The following NPC2 variants were observed in gnomAD, a reference collection of about 807,000 sequenced individuals.
The protein encoded by NPC2 is NPC intracellular cholesterol transporter 2.
Under a neutral mutation model 17.0 loss-of-function variants are expected in NPC2, and 14 were observed. That is an observed-to-expected ratio of 0.82 (90% CI 0.54 to 1.29). NPC2 has a LOEUF of 1.29. Among genes scored for constraint, NPC2 ranks in the 50% most tolerant of loss-of-function variants. The probability of loss-of-function intolerance (pLI) is 0.00; values close to 1 mark genes in which losing one functional copy is unlikely to be tolerated. For missense variants in NPC2, 167 were observed against 183.4 expected (o/e 0.91, Z 0.52); for synonymous variants, 75 against 69.3 (o/e 1.08, Z -0.41).
In NPC2 at chr14:74,491,089, T is replaced by A. The variant is rs143453087; in HGVS notation, c.82+2104A>T. Among the ~76,000 whole-genome samples, 13 of 152,282 alleles carry A rather than the reference T, an allele frequency of 8.5e-5. No homozygotes were observed. The East Asian group carries it at 2.1e-3, about 25-fold the overall frequency. On this transcript the variant is annotated intron_variant, in intron 1 of 4. Transcript: ENST00000555619. ...GAGTTATTTTATTTTATTTTATTTT[T>A]TTGAGACGGAGTCTTGCTCTGTCGC...
intron 3 of NPC2, 52 bp from the exon 4 acceptor site, chr14:74,480,831 A>G (rs1391805118): frequency 6.9e-7 from 1 of 1,441,774 alleles, no homozygotes; most frequent in African/African-American, 1.4e-5. Context: ...CCTGACTTCT[A>G]TCCATAATTG....
intron 2 of NPC2, among the ~76,000 whole-genome samples, chr14:74,485,895 C>A (rs1329966705): frequency 6.6e-6 from 1 of 152,068 alleles, no homozygotes; most frequent in Non-Finnish European, 1.5e-5. Context: ...ATTAGTTGCA[C>A]CTTTATTTTC....
At chr14:74,483,462 C>A in intron 3 of NPC2, 1 of 1,552,110 alleles carries the variant, frequency 6.4e-7, no homozygotes, top group Non-Finnish European at 8.9e-7. Context: ...AGAAAAACAC[C>A]AGTGGAAAAG....
chr14:74,482,975 C>A, intron 3 of NPC2: 4 of 698,604 alleles, frequency 5.7e-6, no homozygotes, highest in Non-Finnish European at 5.3e-6. Context: ...GACCACATCA[C>A]GGGTGAGCTA....
At chr14:74,483,657 T>C (rs1303919940) in intron 3 of NPC2, among the ~76,000 whole-genome samples, 3 of 152,232 alleles carry the variant, frequency 2.0e-5, no homozygotes, top group Non-Finnish European at 2.9e-5. Context: ...GATCTTATAT[T>C]GGTTTGTATA....
In NPC2 at chr14:74,479,993, G is replaced by A; in HGVS notation, c.*281C>T. 7.1e-6 allele frequency: 10 copies of A among 1,400,438 alleles called. No homozygotes were observed. The highest frequency in any genetic ancestry group is 9.3e-6 in the Non-Finnish European group (10 of 1,077,340). The allele number at this position is 1,400,438 out of a possible 1,614,324, so 86.8% of individuals were successfully genotyped here. ...TTTATTCAAGAGTAAATTTCCAGGTGTAGAAAGAGGCCACAAGTTAATGTT... is the reference window on the plus strand; with the variant it reads ...TTTATTCAAGAGTAAATTTCCAGGTATAGAAAGAGGCCACAAGTTAATGTT... On this transcript the variant is annotated 3_prime_UTR_variant, in exon 5 of 5. Coordinates refer to ENST00000555619, the MANE Select transcript of NPC2 (RefSeq NM_006432.5).
rs549547072 is a variant in NPC2 at position 74,493,081 on chromosome 14, C to T, written c.82+112G>A. 8.0e-4 allele frequency: 1,118 copies of T among 1,395,054 alleles called. 9 individuals are homozygous for T. The highest frequency in any genetic ancestry group is 5.0e-3 in the African/African-American group (348 of 70,078). The allele number at this position is 1,395,054 out of a possible 1,614,324, so 86.4% of individuals were successfully genotyped here. On this transcript the variant is annotated intron_variant, in intron 1 of 4. Transcript: ENST00000555619. This position sits in a 1 kb window ranked among gnomAD's most constrained non-coding sequence, Gnocchi z 4.1. The stretch of plus-strand genomic sequence containing the variant: ...TTCCAGTTAGGTAGGGTCCAAGGCT[C>T]AGCCTGGCCGCCCGAGGGATCCGCC...
intron 1 of NPC2, among the ~76,000 whole-genome samples, chr14:74,487,272 TTG>T (rs1189591057): frequency 7.5e-5 from 11 of 145,700 alleles, no homozygotes; most frequent in African/African-American, 2.7e-4. Context: ...TGGTTTTTTT[TTG>T]TTTTTTTTTT....
In NPC2 at chr14:74,493,240, G is replaced by T. The variant is rs981046790; in HGVS notation, c.35C>A (p.Ala12Glu). 1.2e-6 allele frequency: 2 copies of T among 1,613,218 alleles called. No homozygotes were observed. Among genetic ancestry groups the T allele is most frequent in the Non-Finnish European group, 1.7e-6 (2 of 1,179,712 alleles). Residue 12 changes from alanine (A) to glutamate (E), a missense_variant, in exon 1 of 5, where the codon GCG becomes GAG. Physicochemically the swap from Ala to Glu is moderately radical, Grantham distance 107. Coordinates refer to ENST00000555619, the MANE Select transcript of NPC2 (RefSeq NM_006432.5). This position sits in a 1 kb window ranked among gnomAD's most constrained non-coding sequence, Gnocchi z 4.1. Reference sequence around the variant, plus strand: ...TTCGGCCTGGGCAGCGGTGCTGAGCGCCAGGAGCAGGAATGTAGCTGCCAG... The same window carrying T: ...TTCGGCCTGGGCAGCGGTGCTGAGCTCCAGGAGCAGGAATGTAGCTGCCAG... ...RFLAATFLLL[A>E]LSTAAQAEPV...
chr14:74,487,202 G>A (rs2086721677), intron 1 of NPC2, among the ~76,000 whole-genome samples: 3 of 151,578 alleles, frequency 2.0e-5, no homozygotes, highest in Middle Eastern at 6.8e-3. Flanking sequence ...GCCTGCCTAG[G>A]CCTCCCAAAG....
intron 3 of NPC2, chr14:74,483,089 G>C: frequency 7.9e-7 from 1 of 1,264,186 alleles, no homozygotes; most frequent in Non-Finnish European, 1.1e-6. Flanking sequence ...GATTCCTACA[G>C]AAAGCAAGTT....
chr14:74,485,070 G>A (rs965910709), intron 2 of NPC2, among the ~76,000 whole-genome samples: 1 of 151,928 alleles, frequency 6.6e-6, no homozygotes, highest in African/African-American at 2.4e-5. Flanking sequence ...TGAGGCGGGT[G>A]GATCATCTGA....
rs1566601098 is a variant in NPC2, at chr14:74,480,710, C to T, written c.433G>A (p.Val145Ile). Residue 145 changes from valine (V) to isoleucine (I), a missense_variant, in exon 4 of 5, where the codon GTA (valine) becomes ATA (isoleucine). Coordinates refer to ENST00000555619, the MANE Select transcript of NPC2 (RefSeq NM_006432.5). Reference protein sequence around the residue: ...NQSLFCWEIPVQIVSHL With the variant: ...NQSLFCWEIPIQIVSHL ...CCCCCAGATAGACTTACGATCTGTA[C>T]TGGGATTTCCCAGCAGAAGAGACTT... 1.2e-6 allele frequency: 2 copies of T among 1,613,880 alleles called. No homozygotes were observed. Among genetic ancestry groups the T allele is most frequent in the Non-Finnish European group, 1.7e-6 (2 of 1,179,772 alleles).
chr14:74,490,739 G>A (rs1422720507), intron 1 of NPC2, among the ~76,000 whole-genome samples: 3 of 152,166 alleles, frequency 2.0e-5, no homozygotes, highest in Admixed American at 1.3e-4. Context: ...GAAATCCCAC[G>A]CCAGGGAAGG....
intron 3 of NPC2, chr14:74,483,094 C>G: frequency 8.4e-7 from 1 of 1,186,976 alleles, no homozygotes; most frequent in Non-Finnish European, 1.3e-6. Context: ...CTACAGAAAG[C>G]AAGTTGAAGT....
chr14:74,484,773 A>AAAAAAAAAAAAAAAAAC (rs1566602534), intron 2 of NPC2, among the ~76,000 whole-genome samples, 186 bp from the exon 3 acceptor site: 2 of 145,660 alleles, frequency 1.4e-5, no homozygotes, highest in Admixed American at 6.9e-5. Flanking sequence ...AAAAAAAAAA[A>AAAAAAAAAAAAAAAAAC]AAAAACAATC....
upstream of NPC2, chr14:74,493,390 C>T: frequency 6.5e-7 from 1 of 1,547,156 alleles, no homozygotes; most frequent in Non-Finnish European, 8.7e-7. The surrounding 1 kb of genome is among the most constrained non-coding windows in gnomAD (Gnocchi z 4.1). Context: ...TCACCAGTAA[C>T]CACAGCTGAG....
chr14:74,482,517 C>G (rs137872855), intron 3 of NPC2, among the ~76,000 whole-genome samples: 3 of 152,294 alleles, frequency 2.0e-5, no homozygotes, highest in African/African-American at 7.2e-5. Context: ...GAAAAAGCTA[C>G]CTCTCTGCCA....
chr14:74,492,770 A>G (rs2086789450), intron 1 of NPC2, among the ~76,000 whole-genome samples: 1 of 152,246 alleles, frequency 6.6e-6, no homozygotes, highest in Non-Finnish European at 1.5e-5. Flanking sequence ...TTGACTTTTG[A>G]CTTGTCAGCA....
Sources: allele counts gnomAD v4.1 joint callset (sites outside exome capture counted in the v4.1 genomes callset), GRCh38; gene constraint gnomAD v4.1.1; non-coding constraint Gnocchi (gnomAD v3.1); transcripts MANE v1.5; gene names NCBI Gene and HGNC (gene_info 2026-07-23, HGNC 2026-07-21).